SPESP1: variants seen among roughly 807,000 people sequenced by gnomAD.
SPESP1 encodes equatorial segment protein.
SPESP1 carries 1 observed loss-of-function variant against 3.1 expected under a neutral mutation model. The observed-to-expected ratio is 0.33, with a 90% CI of 0.12 to 1.54. The LOEUF (loss-of-function observed/expected upper bound fraction) is 1.54. Among genes scored for constraint, SPESP1 ranks in the 40% most tolerant of loss-of-function variants. The probability of loss-of-function intolerance (pLI) is 0.38; values close to 1 mark genes in which losing one functional copy is unlikely to be tolerated. For synonymous variants in SPESP1, 138 were observed against 150.7 expected (o/e 0.92, Z 0.62); for missense variants, 398 against 410.1 (o/e 0.97, Z 0.26).
In SPESP1 at chr15:68,946,402, A is replaced by G; in HGVS notation, c.868A>G (p.Ser290Gly). ...CCAGTTATTGCCAGTAGGACGAACA[A>G]GTAATAAAATTGATGACATCGAAAC... ...KSQLLPVGRT[S>G]NKIDDIETVI... Residue 290 changes from serine (S) to glycine (G), a missense_variant, in exon 2 of 2, where the codon AGT (serine) becomes GGT (glycine). Transcript: ENST00000310673. The G allele has an allele frequency of 1.2e-6, 2 of 1,614,148 alleles. No homozygotes were observed. The highest frequency in any genetic ancestry group is 1.7e-6 in the Non-Finnish European group (2 of 1,180,020).
At chr15:68,940,739 A>G (rs1301136447) in intron 1 of SPESP1, among the ~76,000 whole-genome samples, 1 of 146,412 alleles carries the variant, frequency 6.8e-6, no homozygotes, top group East Asian at 2.0e-4. Context: ...AGGGAGACCT[A>G]CTGGATTCAG....
At chr15:68,945,019 T>C (rs1241393702) in intron 1 of SPESP1, among the ~76,000 whole-genome samples, 1 of 152,208 alleles carries the variant, frequency 6.6e-6, no homozygotes, top group African/African-American at 2.4e-5. Flanking sequence ...CACACCATTA[T>C]ATGCATTTTC....
In SPESP1 at chr15:68,945,840, T is replaced by C. The variant is rs773100749; in HGVS notation, c.306T>C (p.Pro102=). Residue 102 remains proline (P), a synonymous_variant, in exon 2 of 2, where the codon CCT becomes CCC. Coordinates refer to ENST00000310673, the MANE Select transcript of SPESP1 (RefSeq NM_145658.4). ...TCAGTGAAGAAACTACAACTTTCCC[T>C]ACAGGAGGCTTCACACCGGAAATAG... ...NPISEETTTF[P]TGGFTPEIGK... The C allele has an allele frequency of 1.2e-6, 2 of 1,614,148 alleles. No homozygotes were observed. The highest frequency in any genetic ancestry group is 1.7e-6 in the Non-Finnish European group (2 of 1,180,030).
intron 1 of SPESP1, among the ~76,000 whole-genome samples, chr15:68,931,605 C>G (rs567569689): frequency 1.3e-5 from 2 of 152,174 alleles, no homozygotes; most frequent in Non-Finnish European, 1.5e-5. Context: ...AGCATGCTTG[C>G]GCACACGGCA....
At chr15:68,936,919 A>T (rs1183785873) in intron 1 of SPESP1, among the ~76,000 whole-genome samples, 2 of 152,158 alleles carry the variant, frequency 1.3e-5, no homozygotes, top group African/African-American at 4.8e-5. Context: ...ATGTTATTTT[A>T]TATAAACTTC....
At chr15:68,942,969 G>C (rs1895865529) in intron 1 of SPESP1, among the ~76,000 whole-genome samples, 1 of 151,900 alleles carries the variant, frequency 6.6e-6, no homozygotes, top group Non-Finnish European at 1.5e-5. Context: ...TTTAAAATGT[G>C]ATTTTTATAC....
intron 1 of SPESP1, among the ~76,000 whole-genome samples, chr15:68,944,921 C>T (rs1895921215): frequency 6.6e-6 from 1 of 152,108 alleles, no homozygotes; most frequent in African/African-American, 2.4e-5. Flanking sequence ...AGCATTTGCT[C>T]ATTTACATGG....
intron 1 of SPESP1, among the ~76,000 whole-genome samples, chr15:68,944,379 A>C (rs1174913741): frequency 6.6e-6 from 1 of 150,920 alleles, no homozygotes; most frequent in Non-Finnish European, 1.5e-5. Flanking sequence ...GACTCTCCAC[A>C]TTAGATAGAC....
At chr15:68,934,008 AAAATT>A (rs1420481973) in intron 1 of SPESP1, among the ~76,000 whole-genome samples, 2 of 152,068 alleles carry the variant, frequency 1.3e-5, no homozygotes, top group Non-Finnish European at 2.9e-5. Flanking sequence ...CAAACTAATT[AAAATT>A]AAAGTGTGTT....
At chr15:68,933,986 G>A (rs1343627691) in intron 1 of SPESP1, among the ~76,000 whole-genome samples, 2 of 151,716 alleles carry the variant, frequency 1.3e-5, no homozygotes, top group African/African-American at 2.4e-5. Context: ...AAATATTCAT[G>A]GGCTGGCAGT....
rs1386220659 is a variant in SPESP1, at chr15:68,946,502, T to C, written c.968T>C (p.Met323Thr). 1 of 1,611,394 alleles carries C rather than the reference T, an allele frequency of 6.2e-7. No individual in the cohort carries two copies. Among genetic ancestry groups the C allele is most frequent in the Non-Finnish European group, 8.5e-7 (1 of 1,179,496 alleles). Residue 323 changes from methionine (M) to threonine (T), a missense_variant, in exon 2 of 2, where the codon ATG becomes ACG. By Grantham distance (81) the Met-to-Thr change is moderately conservative. Coordinates refer to ENST00000310673, the MANE Select transcript of SPESP1 (RefSeq NM_145658.4). The part of the protein sequence containing the change: ...YLDIKCVPPE[M>T]REKAATVFNT... ...GATATTAAATGTGTTCCACCAGAGA[T>C]GAGAGAAAAAGCTGCTACAGTATTC...
intron 1 of SPESP1, among the ~76,000 whole-genome samples, chr15:68,942,169 CTT>C (rs778249415): frequency 2.1e-5 from 3 of 142,852 alleles, no homozygotes; most frequent in Non-Finnish European, 3.0e-5. Flanking sequence ...CATCTTATTT[CTT>C]TTTTTTTTTT....
At chr15:68,932,171 T>G (rs1342731375) in intron 1 of SPESP1, among the ~76,000 whole-genome samples, 1 of 152,238 alleles carries the variant, frequency 6.6e-6, no homozygotes, top group African/African-American at 2.4e-5. Flanking sequence ...TGATGTCTGA[T>G]GATCATTATT....
At position 68,945,447 on chromosome 15, in the gene SPESP1, T is replaced by C. The variant is rs1460313435; in HGVS notation, c.65-152T>C. ...ATAATTTTGTTTATTTAAGTGAAAG[T>C]TGACTCTGTGTCAAAGGTGCTTTGC... On this transcript the variant is annotated intron_variant, in intron 1 of 1. Transcript: ENST00000310673. 9.5e-6 allele frequency: 5 copies of C among 523,884 alleles called. No individual in the cohort carries two copies. The African/African-American group carries it at 9.9e-5, about 10-fold the overall frequency. 32.5% of individuals were successfully genotyped at this position (523,884 alleles called of 1,614,324 possible).
intron 1 of SPESP1, among the ~76,000 whole-genome samples, chr15:68,944,726 A>C (rs1419597984): frequency 6.6e-6 from 1 of 152,170 alleles, no homozygotes; most frequent in Non-Finnish European, 1.5e-5. Context: ...AGGCAAAAGC[A>C]CCTGTAGATA....
At chr15:68,938,944 T>A (rs1243316918) in intron 1 of SPESP1, among the ~76,000 whole-genome samples, 1 of 152,270 alleles carries the variant, frequency 6.6e-6, no homozygotes, top group Non-Finnish European at 1.5e-5. Flanking sequence ...TATTAGGATC[T>A]TTTAAATCAT....
chr15:68,935,031 G>A (rs1489954512), intron 1 of SPESP1, among the ~76,000 whole-genome samples: 1 of 152,122 alleles, frequency 6.6e-6, no homozygotes, highest in Non-Finnish European at 1.5e-5. Context: ...GTCTTTCCAA[G>A]GGGATGGAGA....
At position 68,945,947 on chromosome 15, in the gene SPESP1, C is replaced by A; in HGVS notation, c.413C>A (p.Pro138His). Residue 138 changes from proline to histidine, a missense_variant, in exon 2 of 2, where the codon CCT becomes CAT. Transcript: ENST00000310673. ...NVSIVLHAEEPYIENEEPEPE... is the reference protein window; with the variant it reads ...NVSIVLHAEEHYIENEEPEPE... The stretch of plus-strand genomic sequence containing the variant: ...TCCATTGTTTTGCATGCAGAGGAAC[C>A]TTATATTGAAAATGAAGAGCCAGAG... 9 of 1,614,062 alleles carry A rather than the reference C, an allele frequency of 5.6e-6. No homozygotes were observed. The highest frequency in any genetic ancestry group is 7.6e-6 in the Non-Finnish European group (9 of 1,180,018).
At chr15:68,930,787 C>G (rs1446262416) in intron 1 of SPESP1, 70 bp downstream of exon 1, 18 of 1,607,368 alleles carry the variant, frequency 1.1e-5, no homozygotes, top group Non-Finnish European at 1.4e-5. Context: ...TCCGCGACCT[C>G]GAAGCCTGGC....
Sources: allele counts gnomAD v4.1 joint callset (sites outside exome capture counted in the v4.1 genomes callset), GRCh38; gene constraint gnomAD v4.1.1; transcripts MANE v1.5; gene names NCBI Gene and HGNC (gene_info 2026-07-23, HGNC 2026-07-21).